HS3ST3B1: variants seen among roughly 807,000 people sequenced by gnomAD.
HS3ST3B1 encodes heparan sulfate-glucosamine 3-sulfotransferase 3B1.
A neutral mutation model predicts 21.3 loss-of-function variants in HS3ST3B1; 13 were observed. The ratio of observed to expected loss-of-function variants is 0.61; its 90% CI spans 0.40 to 0.97. HS3ST3B1 has a LOEUF of 0.97. Among genes scored for constraint, HS3ST3B1 ranks in the 50% least tolerant of loss-of-function variants. The pLI is 0.00. For missense variants in HS3ST3B1, 459 were observed against 554.8 expected (o/e 0.83, Z 1.73); for synonymous variants, 234 against 254.8 (o/e 0.92, Z 0.78).
intron 1 of HS3ST3B1, among the ~76,000 whole-genome samples, chr17:14,314,159 A>G (rs979037595): frequency 2.6e-5 from 4 of 151,602 alleles, no homozygotes; most frequent in African/African-American, 9.7e-5. Context: ...TTGTATTATT[A>G]GTAGAGACAG....
chr17:14,345,129 A>G lies in HS3ST3B1; in HGVS notation c.656A>G (p.Lys219Arg). 2 of 1,585,026 alleles carry G rather than the reference A, an allele frequency of 1.3e-6. No individual in the cohort carries two copies. Among genetic ancestry groups the G allele is most frequent in the Non-Finnish European group, 1.7e-6 (2 of 1,162,198 alleles). Reference protein sequence around the residue: ...EAPARISAMSKDTKLIVVVRD... With the variant: ...EAPARISAMSRDTKLIVVVRD... ...CCTGCGCGCATCTCGGCCATGTCCA[A>G]GGACACCAAGCTCATCGTGGTGGTG... Residue 219 changes from lysine (K) to arginine (R), a missense_variant, in exon 2 of 2, where the codon AAG becomes AGG. Lys to Arg is a conservative substitution (Grantham distance 26, BLOSUM62 2). This residue lies in a region of HS3ST3B1 where 15 missense variants were observed against 66.3 expected (regional missense o/e 0.23). Transcript: ENST00000360954.
chr17:14,301,615 C>T lies in HS3ST3B1; in HGVS notation c.97C>T (p.Leu33Phe), dbSNP rs1013248384. The change falls in exon 1 of 2, where the codon CTC becomes TTC. Residue 33 changes from leucine to phenylalanine, a missense_variant. Physicochemically the swap from Leu to Phe is conservative, Grantham distance 22. Around this residue, in one of 3 missense-constraint regions of HS3ST3B1, gnomAD observed 317 missense variants for 278.6 expected, o/e 1.14. Coordinates refer to ENST00000360954, the MANE Select transcript of HS3ST3B1 (RefSeq NM_006041.3). ...GCCCCCGCCGCCGGTGAGGAGGAAGCTCGCGCTGCTCTTCGCCATGCTCTG... is the reference window on the plus strand; with the variant it reads ...GCCCCCGCCGCCGGTGAGGAGGAAGTTCGCGCTGCTCTTCGCCATGCTCTG... The part of the protein sequence containing the change: ...PPPPPPVRRK[L>F]ALLFAMLCVW... 6.2e-7 allele frequency: 1 copy of T among 1,606,412 alleles called. No individual in the cohort carries two copies. Among genetic ancestry groups the T allele is most frequent in the Admixed American group, 1.7e-5 (1 of 59,890 alleles).
intron 1 of HS3ST3B1, among the ~76,000 whole-genome samples, chr17:14,331,551 G>A (rs1265251964): frequency 6.6e-6 from 1 of 152,088 alleles, no homozygotes; most frequent in Non-Finnish European, 1.5e-5. Context: ...GAGAGGGCCT[G>A]GAAGAGGAGG....
intron 1 of HS3ST3B1, among the ~76,000 whole-genome samples, chr17:14,322,114 C>T (rs1909678438): frequency 6.6e-6 from 1 of 151,620 alleles, no homozygotes; most frequent in Non-Finnish European, 1.5e-5. Context: ...AGACAAAAAC[C>T]TCTTTAGAAA....
intron 1 of HS3ST3B1, among the ~76,000 whole-genome samples, chr17:14,312,084 G>C (rs995541225): frequency 7.2e-5 from 10 of 138,410 alleles, no homozygotes; most frequent in Non-Finnish European, 9.4e-5. Flanking sequence ...GGGCCAGAAA[G>C]TCAGCAACTG....
chr17:14,312,901 CTTTTTTTTTT>C (rs35154149), intron 1 of HS3ST3B1, among the ~76,000 whole-genome samples: 1 of 129,456 alleles, frequency 7.7e-6, no homozygotes, highest in Admixed American at 8.0e-5. Context: ...GTGAAAATGT[CTTTTTTTTTT>C]TTTTTTTTCC....
At chr17:14,330,960 G>C (rs2142344442) in intron 1 of HS3ST3B1, among the ~76,000 whole-genome samples, 1 of 152,244 alleles carries the variant, frequency 6.6e-6, no homozygotes, top group African/African-American at 2.4e-5. Flanking sequence ...AAGCAGGAAA[G>C]AGCAGAACTA....
intron 1 of HS3ST3B1, chr17:14,327,701 C>G (rs1909859993): frequency 6.6e-6 from 1 of 152,168 alleles, no homozygotes; most frequent in African/African-American, 2.4e-5. Flanking sequence ...ATCATGACCT[C>G]CAGTCATTAG....
chr17:14,341,144 A>T (rs957217551), intron 1 of HS3ST3B1, among the ~76,000 whole-genome samples: 1 of 151,958 alleles, frequency 6.6e-6, no homozygotes, highest in Non-Finnish European at 1.5e-5. Context: ...TTTCCTTTTT[A>T]CTAGCTTTAT....
At chr17:14,311,048 G>A (rs982402256) in intron 1 of HS3ST3B1, among the ~76,000 whole-genome samples, 1 of 151,840 alleles carries the variant, frequency 6.6e-6, no homozygotes, top group Non-Finnish European at 1.5e-5. Flanking sequence ...TAATACATTC[G>A]TATAAATCAT....
chr17:14,338,211 C>T (rs1184135416), intron 1 of HS3ST3B1, among the ~76,000 whole-genome samples: 19 of 151,374 alleles, frequency 1.3e-4, no homozygotes, highest in Admixed American at 1.2e-3. Flanking sequence ...CTGCAACCTC[C>T]ACCTCTCAGG....
intron 1 of HS3ST3B1, among the ~76,000 whole-genome samples, chr17:14,342,573 A>G (rs772264263): frequency 3.3e-5 from 5 of 152,218 alleles, no homozygotes; most frequent in Non-Finnish European, 5.9e-5. Flanking sequence ...GTAGTGGCTG[A>G]TATTTGTTAA....
At chr17:14,322,071 A>AT (rs1909675823) in intron 1 of HS3ST3B1, among the ~76,000 whole-genome samples, 1 of 149,356 alleles carries the variant, frequency 6.7e-6, no homozygotes, top group African/African-American at 2.4e-5. Flanking sequence ...TTAAACCCAA[A>AT]CCTTTTTTTT....
chr17:14,305,736 G>A (rs1429534965), intron 1 of HS3ST3B1, among the ~76,000 whole-genome samples: 1 of 152,112 alleles, frequency 6.6e-6, no homozygotes, highest in Non-Finnish European at 1.5e-5. Flanking sequence ...ATTAAACAAA[G>A]TATACCGTAC....
chr17:14,309,516 TGA>T (rs1468716216), intron 1 of HS3ST3B1, among the ~76,000 whole-genome samples: 4 of 147,690 alleles, frequency 2.7e-5, no homozygotes, highest in Non-Finnish European at 4.5e-5. Context: ...GTGTTCCGCC[TGA>T]GAGGAGAACC....
chr17:14,333,428 A>G (rs1910083181), intron 1 of HS3ST3B1, among the ~76,000 whole-genome samples: 1 of 151,740 alleles, frequency 6.6e-6, no homozygotes, highest in Non-Finnish European at 1.5e-5. Context: ...ACATGGCACC[A>G]CTGCACTCCA....
intron 1 of HS3ST3B1, among the ~76,000 whole-genome samples, chr17:14,319,716 G>A (rs557435429): frequency 6.6e-6 from 1 of 152,320 alleles, no homozygotes; most frequent in South Asian, 2.1e-4. Flanking sequence ...GAGTGAGGGG[G>A]TAGACGGTTT....
intron 1 of HS3ST3B1, among the ~76,000 whole-genome samples, chr17:14,337,318 C>A: frequency 6.8e-6 from 1 of 147,644 alleles, no homozygotes; most frequent in Non-Finnish European, 1.5e-5. Flanking sequence ...CAACAAGTAT[C>A]TTATCCTGAT....
At chr17:14,321,312 G>A (rs1016285342) in intron 1 of HS3ST3B1, among the ~76,000 whole-genome samples, 2 of 152,144 alleles carry the variant, frequency 1.3e-5, no homozygotes, top group African/African-American at 2.4e-5. Context: ...CTGGCTCCTC[G>A]GCTCAGTGGT....
Sources: gnomAD v4.1 joint callset for allele counts (sites outside exome capture counted in the v4.1 genomes callset) on GRCh38, gnomAD v4.1.1 for gene constraint, gnomAD v4.1.1 regional missense constraint, MANE v1.5 for transcripts, NCBI Gene and HGNC (gene_info 2026-07-23, HGNC 2026-07-21) for gene names.